The following ZNF385D variants were observed in gnomAD, a reference collection of about 807,000 sequenced individuals.
ZNF385D encodes the protein zinc finger protein 385D.
ZNF385D carries 15 observed loss-of-function variants against 35.8 expected under a neutral mutation model. That is an observed-to-expected ratio of 0.42 (90% CI 0.28 to 0.64). The LOEUF is 0.64. Among genes scored for constraint, ZNF385D ranks in the 30% least tolerant of loss-of-function variants. ZNF385D has a pLI of 0.23. For synonymous variants in ZNF385D, 212 were observed against 186.8 expected (o/e 1.13, Z -1.10); for missense variants, 474 against 494.6 (o/e 0.96, Z 0.39).
At chr3:22,101,286 A>G (rs1429549061) in intron 3 of ZNF385D, among the ~76,000 whole-genome samples, 2 of 152,088 alleles carry the variant, frequency 1.3e-5, no homozygotes, top group Admixed American at 6.6e-5. Flanking sequence ...ATAAAGGGCT[A>G]TAAGTAAATA....
At chr3:21,455,710 A>C (rs1370573570) in intron 4 of ZNF385D, among the ~76,000 whole-genome samples, 14 of 152,328 alleles carry the variant, frequency 9.2e-5, no homozygotes, top group African/African-American at 3.4e-4. Context: ...CACCAAAAGC[A>C]ATGGCAACAA....
intron 3 of ZNF385D, among the ~76,000 whole-genome samples, chr3:21,976,221 A>G (rs1646185063): frequency 6.6e-6 from 1 of 152,202 alleles, no homozygotes; most frequent in Admixed American, 6.5e-5. Flanking sequence ...TTTCTCATTC[A>G]GAAGACTGGT....
At position 21,678,358 on chromosome 3, in the gene ZNF385D, G is replaced by C. The variant is rs140440229; in HGVS notation, c.23-13330C>G. ...TTCTGCAACAGCCAGTGTTGACCTG[G>C]TAAATCTACCTGAGATTCGCTCATG... On this transcript the variant is annotated intron_variant, in intron 1 of 7. Transcript: ENST00000281523. Among the ~76,000 whole-genome samples, 34 of 152,214 alleles carry C rather than the reference G, an allele frequency of 2.2e-4. 1 individual carries two copies. The highest frequency in any genetic ancestry group is 3.4e-3 in the Middle Eastern group (1 of 294).
intron 2 of ZNF385D, among the ~76,000 whole-genome samples, chr3:22,172,372 C>T (rs7652109): frequency 3.1e-3 from 467 of 152,302 alleles, no homozygotes; most frequent in African/African-American, 0.011. Context: ...TAAGATGACT[C>T]ATTTTTAGTA....
intron 3 of ZNF385D, among the ~76,000 whole-genome samples, chr3:21,988,851 G>A (rs1183207857): frequency 6.6e-6 from 1 of 152,226 alleles, no homozygotes; most frequent in Non-Finnish European, 1.5e-5. Context: ...TCCGAGCCAG[G>A]TGTGGGATAT....
chr3:22,355,819 T>C (rs956747429), intron 2 of ZNF385D, among the ~76,000 whole-genome samples: 1 of 152,068 alleles, frequency 6.6e-6, no homozygotes, highest in South Asian at 2.1e-4. Context: ...GGATACACAG[T>C]ATACAACCAT....
At chr3:22,229,345 G>A (rs192389648) in intron 2 of ZNF385D, among the ~76,000 whole-genome samples, 6 of 152,278 alleles carry the variant, frequency 3.9e-5, no homozygotes, top group Non-Finnish European at 5.9e-5. Flanking sequence ...ACATTGTTCT[G>A]TGACCCCAAC....
At chr3:22,264,458 A>T (rs1419209917) in intron 2 of ZNF385D, among the ~76,000 whole-genome samples, 2 of 152,018 alleles carry the variant, frequency 1.3e-5, no homozygotes, top group African/African-American at 4.8e-5. Context: ...TCTACAATGC[A>T]TGGGTCAGAG....
intron 2 of ZNF385D, among the ~76,000 whole-genome samples, chr3:22,188,194 G>C (rs1559438878): frequency 6.6e-6 from 1 of 152,144 alleles, no homozygotes; most frequent in South Asian, 2.1e-4. Flanking sequence ...TGTGGACAAA[G>C]ACAAAGCATT....
At chr3:22,104,715 A>G (rs1702116404) in intron 3 of ZNF385D, among the ~76,000 whole-genome samples, 1 of 152,144 alleles carries the variant, frequency 6.6e-6, no homozygotes, top group South Asian at 2.1e-4. Flanking sequence ...GTTCCAATCA[A>G]AAGCACTAGC....
intron 3 of ZNF385D, among the ~76,000 whole-genome samples, chr3:22,126,281 T>G (rs988117462): frequency 6.0e-5 from 9 of 150,430 alleles, no homozygotes; most frequent in African/African-American, 1.7e-4. Flanking sequence ...GGATTTAAGA[T>G]GCATCATTAG....
At chr3:21,645,015 C>T (rs542643900) in intron 2 of ZNF385D, among the ~76,000 whole-genome samples, 9 of 152,288 alleles carry the variant, frequency 5.9e-5, no homozygotes, top group African/African-American at 1.9e-4. Context: ...ATTCCCATGT[C>T]TACAAACAGG....
At chr3:21,476,394 A>G (rs1704251570) in intron 4 of ZNF385D, among the ~76,000 whole-genome samples, 1 of 152,050 alleles carries the variant, frequency 6.6e-6, no homozygotes, top group Non-Finnish European at 1.5e-5. Flanking sequence ...TGCCAACTCT[A>G]TTATTTACCT....
At chr3:22,369,110 C>T (rs1696787921) in intron 2 of ZNF385D, among the ~76,000 whole-genome samples, 1 of 152,110 alleles carries the variant, frequency 6.6e-6, no homozygotes, top group South Asian at 2.1e-4. Context: ...GTACCATCTA[C>T]CTTGAGTTCC....
chr3:21,812,532 C>T (rs1393038552), intron 3 of ZNF385D, among the ~76,000 whole-genome samples: 1 of 152,250 alleles, frequency 6.6e-6, no homozygotes, highest in East Asian at 1.9e-4. Flanking sequence ...TAGCAAATGG[C>T]ACACCAGGAG....
chr3:22,108,359 G>T lies in ZNF385D; in HGVS notation c.325+60458C>A, dbSNP rs530611998. ...ACAGAAACTATACATATAATGAAAG[G>T]TTTTTTTTGTTTTTTTTTTGCATGA... On this transcript the variant is annotated intron_variant, in intron 3 of 5. Coordinates refer to the ZNF385D transcript ENST00000494108. Among the ~76,000 whole-genome samples the T allele has an allele frequency of 3.4e-3, 510 of 149,456 alleles. 4 individuals carry two copies. The highest frequency in any genetic ancestry group is 5.0e-3 in the Non-Finnish European group (335 of 66,930).
At chr3:21,813,961 G>T (rs2073042430) in intron 3 of ZNF385D, among the ~76,000 whole-genome samples, 1 of 152,140 alleles carries the variant, frequency 6.6e-6, no homozygotes, top group South Asian at 2.1e-4. Context: ...AGAAAGGTCG[G>T]GTTACCCACA....
intron 3 of ZNF385D, among the ~76,000 whole-genome samples, chr3:22,166,211 G>C (rs1193154660): frequency 7.8e-6 from 1 of 127,492 alleles, no homozygotes; most frequent in African/African-American, 2.5e-5. Context: ...AGTAATGAGA[G>C]GTCACTGAAA....
At chr3:21,470,326 C>CTT (rs1474675715) in intron 4 of ZNF385D, among the ~76,000 whole-genome samples, 1 of 152,086 alleles carries the variant, frequency 6.6e-6, no homozygotes, top group Non-Finnish European at 1.5e-5. Context: ...AGCTGTCCTG[C>CTT]TTTAGAATTC....
Sources: allele counts gnomAD v4.1 joint callset (sites outside exome capture counted in the v4.1 genomes callset), GRCh38; gene constraint gnomAD v4.1.1; transcripts MANE v1.5; gene names NCBI Gene and HGNC (gene_info 2026-07-23, HGNC 2026-07-21).